Variants in CSMD1 observed in about 807,000 individuals in gnomAD.
CSMD1 encodes CUB and Sushi multiple domains 1.
A neutral mutation model predicts 417.5 loss-of-function variants in CSMD1; 213 were observed. That is an observed-to-expected ratio of 0.51 (90% CI 0.46 to 0.57). CSMD1 has a LOEUF of 0.57. Among genes scored for constraint, CSMD1 ranks in the 20% least tolerant of loss-of-function variants. The probability of loss-of-function intolerance (pLI) is 0.00; values close to 1 mark genes in which losing one functional copy is unlikely to be tolerated. For synonymous variants in CSMD1, 2,862 were observed against 1,736.8 expected (o/e 1.65, Z -16.11); for missense variants, 6,923 against 4,529.7 (o/e 1.53, Z -15.17).
intron 8 of CSMD1, among the ~76,000 whole-genome samples, chr8:3,592,400 A>G (rs184810504): frequency 1.9e-4 from 29 of 152,310 alleles, no homozygotes; most frequent in Non-Finnish European, 8.8e-5. Context: ...AAGAAAAAAT[A>G]CATTAGGTAA....
At chr8:4,064,284 T>A (rs971518161) in intron 3 of CSMD1, among the ~76,000 whole-genome samples, 1 of 152,204 alleles carries the variant, frequency 6.6e-6, no homozygotes, top group African/African-American at 2.4e-5. Flanking sequence ...TATCGTACCA[T>A]ATTTTATATC....
chr8:4,660,121 A>AG (rs1188859113), intron 1 of CSMD1, among the ~76,000 whole-genome samples: 1 of 151,556 alleles, frequency 6.6e-6, no homozygotes, highest in Non-Finnish European at 1.5e-5. Context: ...GTGCAAAAAA[A>AG]AAAAAAAAGG....
At chr8:3,741,589 G>A (rs187189611) in intron 6 of CSMD1, among the ~76,000 whole-genome samples, 2 of 152,158 alleles carry the variant, frequency 1.3e-5, no homozygotes, top group Non-Finnish European at 2.9e-5. Flanking sequence ...TTAACTGTTT[G>A]TTAGAACCTG....
At chr8:4,934,869 C>T (rs754478984) in intron 1 of CSMD1, among the ~76,000 whole-genome samples, 30 of 152,278 alleles carry the variant, frequency 2.0e-4, no homozygotes, top group Non-Finnish European at 4.0e-4. Context: ...AACTATACTA[C>T]ATCAATCATG....
At chr8:4,654,318 T>C (rs757241992) in intron 1 of CSMD1, among the ~76,000 whole-genome samples, 1 of 152,108 alleles carries the variant, frequency 6.6e-6, no homozygotes, top group Non-Finnish European at 1.5e-5. Flanking sequence ...GGTTCAGGGA[T>C]GTATTGCTTT....
chr8:3,823,854 CTTAAT>C (rs1217120122), intron 5 of CSMD1, among the ~76,000 whole-genome samples: 1 of 152,070 alleles, frequency 6.6e-6, no homozygotes, highest in African/African-American at 2.4e-5. Flanking sequence ...TTTAAATTAA[CTTAAT>C]TTAAATACTT....
chr8:3,136,647 A>T lies in CSMD1; in HGVS notation c.6241+5818T>A, dbSNP rs185022129. Among the ~76,000 whole-genome samples, 767 of 152,166 alleles carry T rather than the reference A, an allele frequency of 5.0e-3. 8 individuals are homozygous for T. Among genetic ancestry groups the T allele is most frequent in the Non-Finnish European group, 5.3e-3 (359 of 68,002 alleles). The stretch of plus-strand genomic sequence containing the variant: ...CACCACTGCCATTGATAATATTTTT[A>T]TATCAGTGGTTATACCCAGGGTACA... On this transcript the variant is annotated intron_variant, in intron 41 of 69. Coordinates refer to ENST00000635120, the MANE Select transcript of CSMD1 (RefSeq NM_033225.6).
intron 11 of CSMD1, among the ~76,000 whole-genome samples, chr8:3,492,181 C>G (rs534221275): frequency 6.6e-6 from 1 of 152,092 alleles, no homozygotes; most frequent in East Asian, 1.9e-4. Flanking sequence ...CAGGAGAAGC[C>G]AAGATGTTTG....
At chr8:4,887,650 T>C (rs1387075779) in intron 1 of CSMD1, among the ~76,000 whole-genome samples, 1 of 152,062 alleles carries the variant, frequency 6.6e-6, no homozygotes, top group Admixed American at 6.5e-5. Flanking sequence ...TTAATTCTAC[T>C]GGTTTTGCTT....
intron 3 of CSMD1, among the ~76,000 whole-genome samples, chr8:4,106,883 T>C (rs1335384813): frequency 1.3e-5 from 2 of 152,122 alleles, no homozygotes; most frequent in Non-Finnish European, 2.9e-5. Flanking sequence ...ACTCAAGTCA[T>C]CGTTAATATT....
intron 30 of CSMD1, among the ~76,000 whole-genome samples, chr8:3,211,629 G>A (rs1481933624): frequency 3.3e-5 from 5 of 152,182 alleles, no homozygotes; most frequent in East Asian, 3.9e-4. Flanking sequence ...GACTGTCATC[G>A]CTCTCAGCCC....
intron 3 of CSMD1, among the ~76,000 whole-genome samples, chr8:4,375,175 C>G (rs1377510674): frequency 1.3e-5 from 2 of 151,982 alleles, no homozygotes; most frequent in Admixed American, 6.6e-5. Flanking sequence ...ATAACGAAAG[C>G]AAGAAATATG....
rs140548196 is a variant in CSMD1, at chr8:4,391,227, T to C, written c.415+28726A>G. ...GCATTTCATGCAGTAAGAAGCACTG[T>C]GTGCAAAGACAGCCACCATAACTCC... is the stretch of plus-strand genomic sequence containing the variant. On this transcript the variant is annotated intron_variant, in intron 3 of 69. Coordinates refer to ENST00000635120, the MANE Select transcript of CSMD1 (RefSeq NM_033225.6). Among the ~76,000 whole-genome samples the C allele has an allele frequency of 9.9e-5, 15 of 152,282 alleles. No individual in the cohort carries two copies. In the East Asian group the frequency reaches 2.9e-3, roughly 30 times the overall value.
At chr8:4,925,667 C>T (rs537520512) in intron 1 of CSMD1, among the ~76,000 whole-genome samples, 17 of 152,176 alleles carry the variant, frequency 1.1e-4, no homozygotes, top group Non-Finnish European at 2.1e-4. Flanking sequence ...CTGCCTCAGC[C>T]TCCCAAGTAG....
intron 5 of CSMD1, among the ~76,000 whole-genome samples, chr8:3,954,642 G>A (rs140483055): frequency 0.016 from 2,387 of 152,312 alleles, 27 homozygotes; most frequent in Non-Finnish European, 0.022. Flanking sequence ...GATTACAGGC[G>A]TGAGCCACCG....
At chr8:3,311,625 A>G (rs1166695520) in intron 23 of CSMD1, among the ~76,000 whole-genome samples, 2 of 152,214 alleles carry the variant, frequency 1.3e-5, no homozygotes, top group Non-Finnish European at 2.9e-5. Flanking sequence ...AGGAAATGAA[A>G]AACAGATGGT....
At chr8:4,034,766 T>A (rs111446146) in intron 3 of CSMD1, among the ~76,000 whole-genome samples, 3 of 152,202 alleles carry the variant, frequency 2.0e-5, no homozygotes, top group African/African-American at 7.2e-5. Flanking sequence ...CATGTCTTCT[T>A]AGGGTCATTA....
chr8:3,186,068 C>G (rs11777737), intron 36 of CSMD1, among the ~76,000 whole-genome samples: 42,566 of 149,804 alleles, frequency 0.28, 6,508 homozygotes, highest in Non-Finnish European at 0.36. Context: ...TTTTTTCCCT[C>G]CTGTAACACC....
At chr8:3,986,569 C>A (rs576995077) in intron 5 of CSMD1, among the ~76,000 whole-genome samples, 6 of 152,218 alleles carry the variant, frequency 3.9e-5, no homozygotes, top group Admixed American at 3.9e-4. Flanking sequence ...GTATCTTAAT[C>A]TTTCAACTTT....
Sources: allele counts gnomAD v4.1 joint callset (sites outside exome capture counted in the v4.1 genomes callset), GRCh38; gene constraint gnomAD v4.1.1; transcripts MANE v1.5; gene names NCBI Gene and HGNC (gene_info 2026-07-23, HGNC 2026-07-21).